The following NTN1 variants were observed in gnomAD, a reference collection of about 807,000 sequenced individuals.
The protein encoded by NTN1 is netrin-1.
NTN1 carries 11 observed loss-of-function variants against 54.2 expected under a neutral mutation model. The ratio of observed to expected loss-of-function variants is 0.20; its 90% CI spans 0.13 to 0.34. The LOEUF is 0.34. NTN1 is among the 10% of genes least tolerant of loss of function. The pLI, the probability that NTN1 is intolerant of heterozygous loss-of-function variation, is 1.00. For synonymous variants in NTN1, 371 were observed against 382.0 expected (o/e 0.97, Z 0.33); for missense variants, 740 against 893.1 (o/e 0.83, Z 2.18).
rs147316711 is a variant in NTN1, at chr17:9,022,372, G to A, written c.-2G>A. ...GCAGGGCCGGGGCAAGCTGGACGCA[G>A]CATGATGCGCGCAGTGTGGGAGGCG... On this transcript the variant is annotated 5_prime_UTR_variant, in exon 2 of 7. Transcript: ENST00000173229. 0.022 allele frequency: 28,434 copies of A among 1,308,552 alleles called. 333 individuals carry two copies. The highest frequency in any genetic ancestry group is 0.025 in the Non-Finnish European group (25,506 of 1,037,312). 81.1% of individuals were successfully genotyped at this position (1,308,552 alleles called of 1,614,324 possible).
At chr17:9,185,830 TTTGG>T (rs1394301973) in intron 5 of NTN1, among the ~76,000 whole-genome samples, 1 of 152,138 alleles carries the variant, frequency 6.6e-6, no homozygotes, top group Non-Finnish European at 1.5e-5. Context: ...GTGGTGGCCA[TTTGG>T]TTTGGTGGGA....
chr17:9,028,574 A>G (rs191316676), intron 2 of NTN1, among the ~76,000 whole-genome samples: 4 of 152,308 alleles, frequency 2.6e-5, no homozygotes, highest in East Asian at 1.9e-4. Flanking sequence ...TCAGAAAACT[A>G]TTTGAGACTT....
chr17:9,037,891 C>T (rs765369703), intron 2 of NTN1, among the ~76,000 whole-genome samples: 2 of 152,134 alleles, frequency 1.3e-5, no homozygotes, highest in East Asian at 1.9e-4. Context: ...GTTCCCTGTT[C>T]ACTCAGAGGA....
At chr17:9,008,529 G>A in the NTN1 span, among the ~76,000 whole-genome samples, 4 of 151,708 alleles carry the variant, frequency 2.6e-5, no homozygotes, top group East Asian at 7.8e-4. Context: ...CACCGTGTTG[G>A]CCAGGCTGGT....
intron 5 of NTN1, among the ~76,000 whole-genome samples, chr17:9,188,865 G>A (rs1904364262): frequency 6.6e-6 from 1 of 152,210 alleles, no homozygotes; most frequent in South Asian, 2.1e-4. Context: ...GATCACTGGA[G>A]ACCGTGCAGA....
chr17:9,051,203 A>G (rs968887862), intron 2 of NTN1, among the ~76,000 whole-genome samples: 8 of 152,254 alleles, frequency 5.3e-5, no homozygotes, highest in African/African-American at 7.2e-5. Context: ...AAGGGTTTGC[A>G]GACACAAAAG....
intron 5 of NTN1, among the ~76,000 whole-genome samples, chr17:9,184,268 C>G (rs1439382764): frequency 2.6e-5 from 4 of 152,138 alleles, no homozygotes; most frequent in Non-Finnish European, 5.9e-5. Context: ...TTGAGTCTTG[C>G]GTTGTTTGCA....
In NTN1 at chr17:9,212,633, C is replaced by T. The variant is rs1905135435; in HGVS notation, c.1412-8535C>T. ...ACCCTGGGCCAGGGAGAACCAGGGG[C>T]TCCTCCCCTACGCCCAGCCCTTGGC... On this transcript the variant is annotated intron_variant, in intron 5 of 6. Coordinates refer to ENST00000173229, the MANE Select transcript of NTN1 (RefSeq NM_004822.3). The surrounding 1 kb of genome is among the most constrained non-coding windows in gnomAD (Gnocchi z 5.5). Among the ~76,000 whole-genome samples the T allele has an allele frequency of 6.6e-6, 1 of 152,222 alleles. No individual in the cohort carries two copies. The highest frequency in any genetic ancestry group is 6.5e-5 in the Admixed American group (1 of 15,292).
the NTN1 span, among the ~76,000 whole-genome samples, chr17:9,016,014 C>A: frequency 6.6e-6 from 1 of 151,876 alleles, no homozygotes; most frequent in African/African-American, 2.4e-5. Context: ...GCGGAGGTTG[C>A]AGTGAGCCGA....
chr17:9,196,455 C>A (rs988374586), intron 5 of NTN1, among the ~76,000 whole-genome samples: 3 of 152,096 alleles, frequency 2.0e-5, no homozygotes, highest in African/African-American at 7.2e-5. Flanking sequence ...TCAGACTGTC[C>A]CCAGCCCCAC....
rs983500216 is a variant in NTN1 at position 9,219,414 on chromosome 17, A to G, written c.1412-1754A>G. ...TGTCATGAAGGGGCTCCGAGGGCTC[A>G]GATCATAGGGAGCAGGAAGCAGGGC... is the stretch of plus-strand genomic sequence containing the variant. On this transcript the variant is annotated intron_variant, in intron 5 of 6. Transcript: ENST00000173229. This position sits in a 1 kb window ranked among gnomAD's most constrained non-coding sequence, Gnocchi z 4.5. Among the ~76,000 whole-genome samples, 9 of 152,214 alleles carry G rather than the reference A, an allele frequency of 5.9e-5. No homozygotes were observed. The highest frequency in any genetic ancestry group is 2.2e-4 in the African/African-American group (9 of 41,444).
At chr17:9,056,985 G>A (rs770303993) in intron 2 of NTN1, among the ~76,000 whole-genome samples, 1 of 152,120 alleles carries the variant, frequency 6.6e-6, no homozygotes, top group Non-Finnish European at 1.5e-5. Flanking sequence ...GCCCCCCTGT[G>A]ATGTTATCAG....
chr17:9,198,051 C>T (rs1355359694), intron 5 of NTN1, among the ~76,000 whole-genome samples: 1 of 152,136 alleles, frequency 6.6e-6, no homozygotes, highest in Non-Finnish European at 1.5e-5. Context: ...GTTATCGGGG[C>T]CCTGCTGTCT....
intron 2 of NTN1, among the ~76,000 whole-genome samples, chr17:9,151,710 G>A (rs896810829): frequency 3.9e-5 from 6 of 152,192 alleles, no homozygotes; most frequent in Non-Finnish European, 8.8e-5. Flanking sequence ...TGGCTTCAGG[G>A]GCCTCTAAGG....
chr17:9,120,449 G>C (rs888772523), intron 2 of NTN1, among the ~76,000 whole-genome samples: 10 of 152,188 alleles, frequency 6.6e-5, no homozygotes, highest in Non-Finnish European at 1.2e-4. Flanking sequence ...AGGGAACATG[G>C]TGACTTCACA....
At position 9,179,716 on chromosome 17, in the gene NTN1, C is replaced by G. The variant is rs542530180; in HGVS notation, c.1208-91C>G. 42 of 1,477,108 alleles carry G rather than the reference C, an allele frequency of 2.8e-5. No homozygotes were observed. In the South Asian group the frequency reaches 5.4e-4, roughly 19 times the overall value. The allele number at this position is 1,477,108 out of a possible 1,614,324, so 91.5% of individuals were successfully genotyped here. ...CGCTGCTCTTCCTCCAGGGCAGGGT[C>G]CATGGAGGCAGCCCTGGGTAGGGAA... On this transcript the variant is annotated intron_variant, in intron 3 of 6. Coordinates refer to ENST00000173229, the MANE Select transcript of NTN1 (RefSeq NM_004822.3).
intron 2 of NTN1, among the ~76,000 whole-genome samples, chr17:9,161,155 G>C (rs2092355703): frequency 6.6e-6 from 1 of 152,242 alleles, no homozygotes; most frequent in African/African-American, 2.4e-5. Flanking sequence ...AAGGAAAGCT[G>C]TGTGAGGCCA....
intron 2 of NTN1, among the ~76,000 whole-genome samples, chr17:9,111,094 C>A (rs183725745): frequency 6.6e-6 from 1 of 152,030 alleles, no homozygotes; most frequent in East Asian, 1.9e-4. Flanking sequence ...CACGCCACCA[C>A]GCCTGGCTAA....
intron 2 of NTN1, among the ~76,000 whole-genome samples, chr17:9,035,221 C>T (rs1443016325): frequency 6.6e-6 from 1 of 152,244 alleles, no homozygotes; most frequent in Non-Finnish European, 1.5e-5. Context: ...GCTGGGATTA[C>T]AGGCATGAGC....
Sources: gnomAD v4.1 joint callset for allele counts (sites outside exome capture counted in the v4.1 genomes callset) on GRCh38, gnomAD v4.1.1 for gene constraint, Gnocchi (gnomAD v3.1) non-coding constraint, MANE v1.5 for transcripts, NCBI Gene and HGNC (gene_info 2026-07-23, HGNC 2026-07-21) for gene names.